GPRC6A: variants seen among roughly 807,000 people sequenced by gnomAD.
The protein encoded by GPRC6A is G protein-coupled receptor family C group 6 member A.
Under a neutral mutation model 47.0 loss-of-function variants are expected in GPRC6A, and 54 were observed. That is an observed-to-expected ratio of 1.15 (90% CI 0.92 to 1.44). The LOEUF is 1.44. Ranked by LOEUF, GPRC6A falls within the 40% of genes most tolerant of loss-of-function variation. GPRC6A has a pLI of 0.00. For missense variants in GPRC6A, 1,112 were observed against 1,105.5 expected (o/e 1.01, Z -0.08); for synonymous variants, 347 against 377.1 (o/e 0.92, Z 0.93).
intron 1 of GPRC6A, 59 bp downstream of exon 1, chr6:116,828,761 A>G: frequency 2.2e-6 from 3 of 1,389,302 alleles, no homozygotes; most frequent in Admixed American, 4.2e-5. Flanking sequence ...TTAACAGTTT[A>G]TATGTCCTAG....
rs1344205368 is a variant in GPRC6A at position 116,809,393 on chromosome 6, A to T, written c.419T>A (p.Val140Asp). 21 of 1,613,460 alleles carry T rather than the reference A, an allele frequency of 1.3e-5. No homozygotes were observed. Among genetic ancestry groups the T allele is most frequent in the Non-Finnish European group, 1.8e-5 (21 of 1,179,700 alleles). ...KCDYSSYMPR[V>D]KAVIGSGYSE... ...GTACCCAGAACCTATGACAGCCTTA[A>T]CTCTTGGCATGTAGCTGGAATAGTC... is the stretch of plus-strand genomic sequence containing the variant. Residue 140 changes from valine (V) to aspartate (D), a missense_variant, in exon 2 of 6, where the codon GTT becomes GAT. Val to Asp is a radical substitution (Grantham distance 152). Transcript: ENST00000310357.
At chr6:116,820,209 A>C (rs1173061916) in intron 1 of GPRC6A, among the ~76,000 whole-genome samples, 3 of 152,246 alleles carry the variant, frequency 2.0e-5, no homozygotes, top group Admixed American at 2.0e-4. Context: ...AATTGTGGCA[A>C]TAATCAATAG....
intron 4 of GPRC6A, among the ~76,000 whole-genome samples, 189 bp downstream of exon 4, chr6:116,800,395 T>C (rs187706121): frequency 2.1e-5 from 3 of 145,080 alleles, no homozygotes; most frequent in Non-Finnish European, 4.5e-5. Flanking sequence ...CTCTCTCTCT[T>C]TCTTTCTTTC....
Position 116,792,489 on chromosome 6 carries a change from C to T in GPRC6A, c.2434G>A (p.Ala812Thr), listed in dbSNP as rs1216305638. The T allele has an allele frequency of 1.9e-6, 3 of 1,613,772 alleles. No individual in the cohort carries two copies. The highest frequency in any genetic ancestry group is 2.2e-5 in the South Asian group (2 of 91,066). Residue 812 changes from alanine (A) to threonine (T), a missense_variant, in exon 6 of 6, where the codon GCT becomes ACT. By Grantham distance (58) the Ala-to-Thr change is moderately conservative (BLOSUM62 0). Transcript: ENST00000310357. Reference protein sequence around the residue: ...YATTFGKYVPAVEIIVILISN... With the variant: ...YATTFGKYVPTVEIIVILISN... The stretch of plus-strand genomic sequence containing the variant: ...ATTAATATGACAATAATCTCCACAG[C>T]TGGTACATATTTGCCAAATGTGGTA...
chr6:116,806,323 G>A, intron 3 of GPRC6A, 47 bp downstream of exon 3: 2 of 1,200,594 alleles, frequency 1.7e-6, no homozygotes, highest in East Asian at 2.4e-5. Context: ...GGAGGAAATG[G>A]GGAAAATGAT....
intron 1 of GPRC6A, among the ~76,000 whole-genome samples, chr6:116,810,519 C>A (rs1300054954): frequency 2.6e-5 from 4 of 151,658 alleles, no homozygotes; most frequent in African/African-American, 9.7e-5. Flanking sequence ...TGCTTCTTGG[C>A]CAGATACTCT....
chr6:116,803,091 T>C (rs1772727740), intron 3 of GPRC6A, among the ~76,000 whole-genome samples: 1 of 152,100 alleles, frequency 6.6e-6, no homozygotes, highest in Non-Finnish European at 1.5e-5. Context: ...ACCTCCACTT[T>C]TCTCTATGTT....
At chr6:116,824,072 A>G (rs1773596323) in intron 1 of GPRC6A, among the ~76,000 whole-genome samples, 1 of 152,132 alleles carries the variant, frequency 6.6e-6, no homozygotes, top group South Asian at 2.1e-4. Context: ...TATCAATAAC[A>G]TACCAAAGCC....
In GPRC6A at chr6:116,818,997, A is replaced by G. The variant is rs557309821; in HGVS notation, c.195-9380T>C. Among the ~76,000 whole-genome samples the G allele has an allele frequency of 2.5e-4, 38 of 152,314 alleles. No homozygotes were observed. The East Asian group carries it at 6.0e-3, about 24-fold the overall frequency. On this transcript the variant is annotated intron_variant, in intron 1 of 5. Coordinates refer to ENST00000310357, the MANE Select transcript of GPRC6A (RefSeq NM_148963.4). ...GCAGAGACACACATAGGCTCAAAAT[A>G]AAAGGATGGACGAAGATCTACCAAG...
At chr6:116,795,421 A>G (rs949918403) in intron 5 of GPRC6A, among the ~76,000 whole-genome samples, 2 of 152,152 alleles carry the variant, frequency 1.3e-5, no homozygotes, top group Non-Finnish European at 2.9e-5. Context: ...TTGACAGAGA[A>G]CTTGCATCAC....
Position 116,792,704 on chromosome 6 carries a change from A to G in GPRC6A, c.2219T>C (p.Ile740Thr), listed in dbSNP as rs1477677214. 1 of 1,613,052 alleles carries G rather than the reference A, an allele frequency of 6.2e-7. No individual in the cohort carries two copies. Among genetic ancestry groups the G allele is most frequent in the Admixed American group, 1.7e-5 (1 of 59,954 alleles). Residue 740 changes from isoleucine (I) to threonine (T), a missense_variant, in exon 6 of 6, where the codon ATC (isoleucine) becomes ACC (threonine). Physicochemically the swap from Ile to Thr is moderately conservative, Grantham distance 89. Coordinates refer to ENST00000310357, the MANE Select transcript of GPRC6A (RefSeq NM_148963.4). ...VEVNVSLPRV[I>T]ILECEEGSIL... is the part of the protein sequence containing the mutation. ...GGATCCCTCCTCACACTCCAGGATG[A>G]TGACTCTGGGCAAGGAGACATTCAC...
chr6:116,792,996 T>A lies in GPRC6A; in HGVS notation c.1927A>T (p.Asn643Tyr), dbSNP rs1212665164. Residue 643 changes from asparagine to tyrosine, a missense_variant, in exon 6 of 6, where the codon AAT becomes TAT. Transcript: ENST00000310357. ...CYVILLCHFL[N>Y]FASTSFFIGE... The stretch of plus-strand genomic sequence containing the variant: ...ATGAAAAAGCTCGTGCTGGCAAAAT[T>A]GAGGAAATGACAGAGAAGGATCACA... 1.2e-6 allele frequency: 2 copies of A among 1,613,936 alleles called. No homozygotes were observed. Among genetic ancestry groups the A allele is most frequent in the Non-Finnish European group, 1.7e-6 (2 of 1,179,992 alleles).
In GPRC6A at chr6:116,829,073, G is replaced by A. The variant is rs1188718835; in HGVS notation, c.-60C>T. ...TTAGGAATCATTAAGTGCACGGAGT[G>A]CCAGCAAGATTCCTATTTCACCTGT... On this transcript the variant is annotated 5_prime_UTR_variant, in exon 1 of 6. Coordinates refer to ENST00000310357, the MANE Select transcript of GPRC6A (RefSeq NM_148963.4). The A allele has an allele frequency of 2.0e-6, 3 of 1,536,248 alleles. No individual in the cohort carries two copies. Among genetic ancestry groups the A allele is most frequent in the Middle Eastern group, 1.9e-4 (1 of 5,370 alleles).
intron 4 of GPRC6A, among the ~76,000 whole-genome samples, chr6:116,797,500 G>T (rs913204946): frequency 6.6e-6 from 1 of 152,136 alleles, no homozygotes; most frequent in African/African-American, 2.4e-5. Flanking sequence ...TGACCTAAAT[G>T]ATTTCAGATA....
intron 4 of GPRC6A, among the ~76,000 whole-genome samples, chr6:116,797,000 A>G (rs1164763511): frequency 3.9e-5 from 6 of 152,142 alleles, no homozygotes; most frequent in Non-Finnish European, 1.5e-5. Context: ...GTCATCTAGC[A>G]TTAGGTATAT....
chr6:116,828,651 G>A (rs924675986), intron 1 of GPRC6A, among the ~76,000 whole-genome samples, 169 bp downstream of exon 1: 3 of 151,996 alleles, frequency 2.0e-5, no homozygotes, highest in African/African-American at 4.8e-5. Context: ...ATAGAGGGCT[G>A]TTATAGCTCT....
intron 3 of GPRC6A, among the ~76,000 whole-genome samples, chr6:116,804,285 A>G (rs1316033857): frequency 6.6e-6 from 1 of 152,068 alleles, no homozygotes. Context: ...ATGACCACAT[A>G]TAGGGCCAAA....
rs763299033 is a variant in GPRC6A at position 116,792,096 on chromosome 6, C to T, written c.*46G>A. ...TAAATTTATATCTTAGATGCAAAGA[C>T]CCTGGAAACATTTTATTCTGGAATG... is the stretch of plus-strand genomic sequence containing the variant. On this transcript the variant is annotated 3_prime_UTR_variant, in exon 6 of 6. Coordinates refer to ENST00000310357, the MANE Select transcript of GPRC6A (RefSeq NM_148963.4). 2 of 1,498,740 alleles carry T rather than the reference C, an allele frequency of 1.3e-6. No individual in the cohort carries two copies. The highest frequency in any genetic ancestry group is 1.8e-6 in the Non-Finnish European group (2 of 1,103,154). 92.8% of individuals were successfully genotyped at this position (1,498,740 alleles called of 1,614,324 possible). A position where few individuals can be genotyped will look rare whatever the true frequency, so the allele number is the denominator to read the frequency against.
Position 116,792,738 on chromosome 6 carries a change from T to C in GPRC6A, c.2185A>G (p.Thr729Ala), listed in dbSNP as rs200330140. ...GGCAAGGAGACATTCACCTCTACAGTAGGTGCTGCAAAGATTAGCCAGAGT... is the reference window on the plus strand; with the variant it reads ...GGCAAGGAGACATTCACCTCTACAGCAGGTGCTGCAAAGATTAGCCAGAGT... ...CTLWLIFAAP[T>A]VEVNVSLPRV... The change falls in exon 6 of 6, where the codon ACT becomes GCT. Residue 729 changes from threonine (T) to alanine (A), a missense_variant. By Grantham distance (58) the Thr-to-Ala change is moderately conservative. Coordinates refer to ENST00000310357, the MANE Select transcript of GPRC6A (RefSeq NM_148963.4). The C allele has an allele frequency of 3.6e-5, 58 of 1,613,790 alleles. No individual in the cohort carries two copies. In the East Asian group the frequency reaches 1.2e-3, roughly 34 times the overall value.
Sources: gnomAD v4.1 joint callset for allele counts (sites outside exome capture counted in the v4.1 genomes callset) on GRCh38, gnomAD v4.1.1 for gene constraint, MANE v1.5 for transcripts, NCBI Gene and HGNC (gene_info 2026-07-23, HGNC 2026-07-21) for gene names.